DPYD: variants seen among roughly 807,000 people sequenced by gnomAD.
DPYD encodes the protein dihydropyrimidine dehydrogenase, also known as dihydropyrimidine dehydrogenase [NADP(+)].
Under a neutral mutation model 116.2 loss-of-function variants are expected in DPYD, and 109 were observed. That is an observed-to-expected ratio of 0.94 (90% CI 0.80 to 1.10). The LOEUF is 1.10. Ranked by LOEUF, DPYD falls within the 50% of genes least tolerant of loss-of-function variation. The pLI is 0.00. For synonymous variants in DPYD, 440 were observed against 432.0 expected (o/e 1.02, Z -0.23); for missense variants, 1,302 against 1,254.5 (o/e 1.04, Z -0.57).
chr1:97,438,706 T>TA (rs746711052), intron 14 of DPYD, among the ~76,000 whole-genome samples: 36 of 149,426 alleles, frequency 2.4e-4, no homozygotes, highest in South Asian at 1.3e-3. Context: ...TTACTGTAAT[T>TA]AAAAAAAAAA....
intron 19 of DPYD, among the ~76,000 whole-genome samples, chr1:97,202,167 G>C (rs1232082729): frequency 1.3e-5 from 2 of 152,084 alleles, no homozygotes; most frequent in Non-Finnish European, 2.9e-5. Context: ...CAAAAGTTCA[G>C]TTCAGAAAAA....
chr1:97,632,215 T>C (rs985418784), intron 8 of DPYD, among the ~76,000 whole-genome samples: 4 of 152,098 alleles, frequency 2.6e-5, no homozygotes, highest in Non-Finnish European at 5.9e-5. Context: ...GCTGCCATAC[T>C]AAATGTTCAA....
chr1:97,503,887 A>C (rs1276698399), intron 13 of DPYD, among the ~76,000 whole-genome samples: 1 of 152,100 alleles, frequency 6.6e-6, no homozygotes, highest in Non-Finnish European at 1.5e-5. Flanking sequence ...AGTAAAATTC[A>C]ATATGGATAT....
chr1:97,111,233 A>G (rs911521079), intron 20 of DPYD, among the ~76,000 whole-genome samples: 1 of 152,090 alleles, frequency 6.6e-6, no homozygotes, highest in African/African-American at 2.4e-5. Context: ...TCCTCCTTAT[A>G]GTAGCCTGAG....
intron 18 of DPYD, among the ~76,000 whole-genome samples, chr1:97,291,519 G>C (rs1302250080): frequency 6.6e-6 from 1 of 152,134 alleles, no homozygotes. Flanking sequence ...AAAAAATGAT[G>C]AGTTCATGTC....
chr1:97,416,117 G>A (rs1674277300), intron 14 of DPYD, among the ~76,000 whole-genome samples: 1 of 152,124 alleles, frequency 6.6e-6, no homozygotes, highest in Non-Finnish European at 1.5e-5. Context: ...GTTCTCATTT[G>A]TCAGAATTTG....
intron 5 of DPYD, among the ~76,000 whole-genome samples, chr1:97,715,199 T>TA (rs1389092525): frequency 6.6e-6 from 1 of 152,094 alleles, no homozygotes; most frequent in East Asian, 1.9e-4. Context: ...AAGCGTTGTT[T>TA]ATCAGCATTT....
chr1:97,416,393 T>G (rs1674291431), intron 14 of DPYD, among the ~76,000 whole-genome samples: 1 of 152,224 alleles, frequency 6.6e-6, no homozygotes, highest in African/African-American at 2.4e-5. Flanking sequence ...TGGTGCTATA[T>G]CCTTCCAGAA....
intron 18 of DPYD, among the ~76,000 whole-genome samples, chr1:97,281,430 A>G (rs1349978119): frequency 6.6e-6 from 1 of 151,888 alleles, no homozygotes; most frequent in East Asian, 1.9e-4. Flanking sequence ...ATGGATGTGC[A>G]TATATATAAT....
intron 20 of DPYD, among the ~76,000 whole-genome samples, chr1:97,162,492 G>A (rs558106892): frequency 1.6e-3 from 242 of 152,196 alleles, no homozygotes; most frequent in African/African-American, 5.5e-3. Flanking sequence ...GATACAAAGA[G>A]ATGGAAGAAC....
chr1:97,139,983 CAATCAAG>C (rs1223185746), intron 20 of DPYD, among the ~76,000 whole-genome samples: 1 of 151,954 alleles, frequency 6.6e-6, no homozygotes, highest in African/African-American at 2.4e-5. Context: ...ACTCTAAATA[CAATCAAG>C]AGTGGGGTAC....
At chr1:97,385,175 C>T (rs1437305845) in intron 14 of DPYD, among the ~76,000 whole-genome samples, 1 of 150,166 alleles carries the variant, frequency 6.7e-6, no homozygotes, top group Non-Finnish European at 1.5e-5. Context: ...CTCAGGGATG[C>T]TATGCCCTAT....
At chr1:97,707,143 T>C (rs1379022433) in intron 5 of DPYD, among the ~76,000 whole-genome samples, 1 of 152,050 alleles carries the variant, frequency 6.6e-6, no homozygotes, top group Non-Finnish European at 1.5e-5. Context: ...CATTAGGTCA[T>C]GACTTAGGAG....
intron 13 of DPYD, among the ~76,000 whole-genome samples, chr1:97,498,763 C>A (rs1679412083): frequency 6.6e-6 from 1 of 151,604 alleles, no homozygotes; most frequent in African/African-American, 2.4e-5. Flanking sequence ...TAACATATCA[C>A]CTCAAACATA....
At chr1:97,413,923 G>A (rs1449958206) in intron 14 of DPYD, among the ~76,000 whole-genome samples, 2 of 151,202 alleles carry the variant, frequency 1.3e-5, no homozygotes, top group Non-Finnish European at 2.9e-5. Flanking sequence ...TTTCTTAAGT[G>A]CACAACATAC....
chr1:97,430,645 A>G (rs1675123346), intron 14 of DPYD, among the ~76,000 whole-genome samples: 1 of 152,074 alleles, frequency 6.6e-6, no homozygotes. Flanking sequence ...TATGATGCAC[A>G]TAAAAGAGAA....
At chr1:97,640,390 ACTCCGC>A (rs1237217023) in intron 8 of DPYD, among the ~76,000 whole-genome samples, 2 of 151,492 alleles carry the variant, frequency 1.3e-5, no homozygotes, top group Admixed American at 1.3e-4. Context: ...CTCACTGCAA[ACTCCGC>A]CTCCCAGGTT....
At chr1:97,814,730 C>T (rs957891342) in intron 3 of DPYD, among the ~76,000 whole-genome samples, 4 of 151,644 alleles carry the variant, frequency 2.6e-5, no homozygotes, top group Admixed American at 6.6e-5. Context: ...ATGGTGAAAC[C>T]CCGTATCCAC....
In DPYD at chr1:97,525,893, CGCGT is replaced by C. The variant is rs202062356; in HGVS notation, c.1525-9956_1525-9953del. ...GTGCGTGTGTGTGTGTGTGCGCGCG[CGCGT>C]GTGTGTGTGTGTGTGTTTTAGGCCA... On this transcript the variant is annotated intron_variant, in intron 12 of 22. Coordinates refer to ENST00000370192, the MANE Select transcript of DPYD (RefSeq NM_000110.4). 1.7e-4 allele frequency among the ~76,000 whole-genome samples: 17 copies of C among 101,620 alleles called. No homozygotes were observed. The South Asian group carries it at 3.1e-3, about 19-fold the overall frequency. 66.7% of individuals were successfully genotyped at this position (101,620 alleles called of 152,430 possible). A position where few individuals can be genotyped will look rare whatever the true frequency, so the allele number is the denominator to read the frequency against.
Sources: gnomAD v4.1 joint callset for allele counts (sites outside exome capture counted in the v4.1 genomes callset) on GRCh38, gnomAD v4.1.1 for gene constraint, MANE v1.5 for transcripts, NCBI Gene and HGNC (gene_info 2026-07-23, HGNC 2026-07-21) for gene names.